KDM5A: variants seen among roughly 807,000 people sequenced by gnomAD.
The protein encoded by KDM5A is lysine-specific demethylase 5A.
Under a neutral mutation model 193.5 loss-of-function variants are expected in KDM5A, and 42 were observed. The observed-to-expected ratio is 0.22, with a 90% CI of 0.17 to 0.28. The LOEUF is 0.28. Among genes scored for constraint, KDM5A ranks in the 10% least tolerant of loss-of-function variants. The pLI is 1.00. For missense variants in KDM5A, 1,692 were observed against 2,055.1 expected (o/e 0.82, Z 3.42); for synonymous variants, 796 against 718.1 (o/e 1.11, Z -1.73).
chr12:306,997 T>C lies in KDM5A; in HGVS notation c.4023A>G (p.Glu1341=), dbSNP rs776076920. 4 of 1,614,090 alleles carry C rather than the reference T, an allele frequency of 2.5e-6. No individual in the cohort carries two copies. In the Admixed American group the frequency reaches 5.0e-5, roughly 20 times the overall value. ...SPRQTMDYDD[E]ETDSDEDIRE... is the part of the protein sequence containing the mutation. ...GAATGTCTTCATCAGAGTCTGTTTC[T>C]TCATCATCATAGTCCATTGTTTGTC... The change falls in exon 24 of 28, where the codon GAA becomes GAG. Residue 1341 remains glutamate, a synonymous_variant. Transcript: ENST00000399788.
At chr12:388,307 A>G (rs576230537) in intron 1 of KDM5A, 1 of 456,000 alleles carries the variant, frequency 2.2e-6, no homozygotes, top group Admixed American at 2.3e-5. Context: ...AAAATCGTTG[A>G]TCTTGAGTTC....
intron 1 of KDM5A, 101 bp from the exon 2 acceptor site, chr12:386,075 A>G: frequency 1.2e-6 from 1 of 806,924 alleles, no homozygotes; most frequent in Non-Finnish European, 2.1e-6. Flanking sequence ...CATGGTGCTA[A>G]TAGACTAACT....
chr12:377,155 C>T (rs1240561768), intron 3 of KDM5A, among the ~76,000 whole-genome samples: 1 of 152,098 alleles, frequency 6.6e-6, no homozygotes, highest in Non-Finnish European at 1.5e-5. Flanking sequence ...GGCAACTATC[C>T]CTCTCCAACC....
At chr12:370,694 C>T (rs1944416958) in intron 3 of KDM5A, among the ~76,000 whole-genome samples, 1 of 152,112 alleles carries the variant, frequency 6.6e-6, no homozygotes, top group Non-Finnish European at 1.5e-5. Context: ...TATACGTGTG[C>T]CACGTTGGTG....
At chr12:309,277 A>T (rs1300328651) in intron 22 of KDM5A, among the ~76,000 whole-genome samples, 1 of 152,180 alleles carries the variant, frequency 6.6e-6, no homozygotes, top group Non-Finnish European at 1.5e-5. Context: ...AAAACTGGAT[A>T]ATTATTTCGT....
rs145168184 is a variant in KDM5A, at chr12:352,741, T to C, written c.1030-417A>G. ...GGATAGCCACTGGATTGTGAGGATATCAGACTAAGAGAATAGTTTGTTCAC... is the reference window on the plus strand; with the variant it reads ...GGATAGCCACTGGATTGTGAGGATACCAGACTAAGAGAATAGTTTGTTCAC... On this transcript the variant is annotated intron_variant, in intron 8 of 27. Coordinates refer to ENST00000399788, the MANE Select transcript of KDM5A (RefSeq NM_001042603.3). Among the ~76,000 whole-genome samples the C allele has an allele frequency of 9.9e-3, 1,511 of 152,284 alleles. 14 individuals are homozygous for C. Among genetic ancestry groups the C allele is most frequent in the Middle Eastern group, 0.02 (6 of 294 alleles).
intron 22 of KDM5A, among the ~76,000 whole-genome samples, chr12:309,092 A>G (rs1410200922): frequency 5.3e-5 from 8 of 152,242 alleles, no homozygotes; most frequent in Non-Finnish European, 8.8e-5. Context: ...AGGTTATAAA[A>G]GAAGTTCATT....
In KDM5A at chr12:389,126, G is replaced by T. The variant is rs772398576; in HGVS notation, c.-35C>A. 20 of 1,594,194 alleles carry T rather than the reference G, an allele frequency of 1.3e-5. No homozygotes were observed. The highest frequency in any genetic ancestry group is 2.7e-5 in the African/African-American group (2 of 74,282). ...CGGGGGGGGGGGGGGGTCCCCGTGG[G>T]GAACCGGTGGAGAAAAGCTGGCTGA... On this transcript the variant is annotated 5_prime_UTR_variant, in exon 1 of 28. Coordinates refer to ENST00000399788, the MANE Select transcript of KDM5A (RefSeq NM_001042603.3).
chr12:291,200 G>A (rs527884951), intron 27 of KDM5A, among the ~76,000 whole-genome samples: 11 of 152,148 alleles, frequency 7.2e-5, no homozygotes, highest in African/African-American at 1.7e-4. Context: ...TAAAACAAAC[G>A]CCATAGAAAA....
chr12:340,747 A>G (rs1331660091), intron 10 of KDM5A, among the ~76,000 whole-genome samples: 1 of 151,858 alleles, frequency 6.6e-6, no homozygotes, highest in Non-Finnish European at 1.5e-5. Context: ...TGACCCACAG[A>G]AACTATGAGA....
intron 3 of KDM5A, among the ~76,000 whole-genome samples, chr12:367,584 C>A (rs1433767030): frequency 6.6e-6 from 1 of 152,094 alleles, no homozygotes; most frequent in Non-Finnish European, 1.5e-5. Flanking sequence ...CACCTATAAT[C>A]CCAGCTACTC....
chr12:287,971 C>T (rs1943241279), intron 27 of KDM5A, among the ~76,000 whole-genome samples: 1 of 152,188 alleles, frequency 6.6e-6, no homozygotes, highest in Non-Finnish European at 1.5e-5. Context: ...CCCAGATCTT[C>T]TACCATTTCA....
chr12:332,665 T>C (rs907580311), intron 12 of KDM5A, among the ~76,000 whole-genome samples: 1 of 152,174 alleles, frequency 6.6e-6, no homozygotes, highest in Non-Finnish European at 1.5e-5. Context: ...AGCTAAGAAA[T>C]CTTTACATGA....
rs774267663 is a variant in KDM5A at position 352,319 on chromosome 12, A to G, written c.1035T>C (p.Cys345=). The G allele has an allele frequency of 6.2e-7, 1 of 1,613,424 alleles. No individual in the cohort carries two copies. Among genetic ancestry groups the G allele is most frequent in the South Asian group, 1.1e-5 (1 of 91,068 alleles). ...WRCPKCVAEE[C]SKPREAFGFE... is the part of the protein sequence containing the mutation. ...ATCCAAAGGCTTCTCGAGGTTTGCT[A>G]CATTCCTGGAAAGAAAAAATATGTA... The change falls in exon 9 of 28, where the codon TGT becomes TGC. Residue 345 remains cysteine, a synonymous_variant. Coordinates refer to ENST00000399788, the MANE Select transcript of KDM5A (RefSeq NM_001042603.3).
chr12:320,934 A>T, intron 18 of KDM5A, 61 bp downstream of exon 18: 2 of 1,168,600 alleles, frequency 1.7e-6, no homozygotes, highest in South Asian at 1.2e-5. Context: ...ATTCTGTGAA[A>T]CCCAGAACAG....
chr12:288,680 C>A (rs1430306447), intron 27 of KDM5A, among the ~76,000 whole-genome samples: 1 of 152,132 alleles, frequency 6.6e-6, no homozygotes, highest in East Asian at 1.9e-4. Context: ...ATCTTTTGCA[C>A]CCCAAGTTTC....
chr12:323,930 TA>T (rs1011480904), intron 14 of KDM5A, 149 bp from the exon 15 acceptor site: 1 of 699,012 alleles, frequency 1.4e-6, no homozygotes, highest in African/African-American at 1.8e-5. Context: ...AAATACTTCC[TA>T]AAAGTAATCA....
At position 365,921 on chromosome 12, in the gene KDM5A, T is replaced by A; in HGVS notation, c.537+13A>T. 1 of 1,612,240 alleles carries A rather than the reference T, an allele frequency of 6.2e-7. No individual in the cohort carries two copies. The highest frequency in any genetic ancestry group is 8.5e-7 in the Non-Finnish European group (1 of 1,178,320). ...ATTTATCAACTTTTTCTAAAAAGAA[T>A]AATGCATCTCACCATAAGGCTCACA... On this transcript the variant is annotated intron_variant, in intron 4 of 27. Coordinates refer to ENST00000399788, the MANE Select transcript of KDM5A (RefSeq NM_001042603.3).
At chr12:289,583 T>C (rs479803) in intron 27 of KDM5A, among the ~76,000 whole-genome samples, 52,641 of 151,276 alleles carry the variant, frequency 0.35, 9,713 homozygotes, top group East Asian at 0.51. Context: ...GGCATAGTGG[T>C]GTGTGCCTGT....
Sources: allele counts gnomAD v4.1 joint callset (sites outside exome capture counted in the v4.1 genomes callset), GRCh38; gene constraint gnomAD v4.1.1; transcripts MANE v1.5; gene names NCBI Gene and HGNC (gene_info 2026-07-23, HGNC 2026-07-21).